PIK3C2A: variants seen among roughly 807,000 people sequenced by gnomAD.
The protein encoded by PIK3C2A is phosphatidylinositol 4-phosphate 3-kinase C2 domain-containing subunit alpha.
PIK3C2A carries 97 observed loss-of-function variants against 204.5 expected under a neutral mutation model. That is an observed-to-expected ratio of 0.47 (90% CI 0.40 to 0.56). PIK3C2A has a LOEUF of 0.56. Among genes scored for constraint, PIK3C2A ranks in the 20% least tolerant of loss-of-function variants. The pLI is 0.00. For synonymous variants in PIK3C2A, 653 were observed against 664.4 expected (o/e 0.98, Z 0.26); for missense variants, 1,735 against 1,969.2 (o/e 0.88, Z 2.25).
intron 1 of PIK3C2A, among the ~76,000 whole-genome samples, chr11:17,189,360 A>G (rs1181018771): frequency 1.4e-5 from 2 of 146,670 alleles, no homozygotes; most frequent in Non-Finnish European, 2.9e-5. Context: ...CACGCCTGTA[A>G]TCCCAGCACT....
At chr11:17,165,926 A>C (rs1305135308) in intron 2 of PIK3C2A, among the ~76,000 whole-genome samples, 2 of 152,170 alleles carry the variant, frequency 1.3e-5, no homozygotes, top group Non-Finnish European at 2.9e-5. Flanking sequence ...AATATACACA[A>C]AGTAAATAAT....
At chr11:17,116,022 A>G (rs919932018) in intron 19 of PIK3C2A, among the ~76,000 whole-genome samples, 4 of 152,204 alleles carry the variant, frequency 2.6e-5, no homozygotes, top group African/African-American at 9.6e-5. Context: ...CATGAGCCAC[A>G]AAAGAAAAAA....
At position 17,117,632 on chromosome 11, in the gene PIK3C2A, G is replaced by T. The variant is rs758242479; in HGVS notation, c.3075C>A (p.Thr1025=). The change falls in exon 19 of 33, where the codon ACC becomes ACA. Residue 1025 remains threonine (T), a synonymous_variant. Coordinates refer to ENST00000691414, the MANE Select transcript of PIK3C2A (RefSeq NM_002645.4). ...GAGCACCCAAAACATGTTCGTATCG[G>T]GTACTAAACTGTACATCATGCAGGG... ...KDALHDVQFS[T]RYEHVLGALL... 6.2e-7 allele frequency: 1 copy of T among 1,612,380 alleles called. No individual in the cohort carries two copies. Among genetic ancestry groups the T allele is most frequent in the East Asian group, 2.2e-5 (1 of 44,860 alleles).
Position 17,088,653 on chromosome 11 carries a change from C to T in PIK3C2A, c.*1085G>A, listed in dbSNP as rs1236532667. ...TTCATGTGAATGTAAAATGTTTACA[C>T]ACATAAGTAAGACAGTTTACAAGAC... On this transcript the variant is annotated 3_prime_UTR_variant, in exon 33 of 33. Transcript: ENST00000691414. 6.6e-6 allele frequency: 1 copy of T among 152,184 alleles called. No homozygotes were observed. The highest frequency in any genetic ancestry group is 1.5e-5 in the Non-Finnish European group (1 of 68,044). 9.4% of individuals were successfully genotyped at this position (152,184 alleles called of 1,614,324 possible).
chr11:17,133,983 G>A (rs1230155206), intron 11 of PIK3C2A, among the ~76,000 whole-genome samples: 2 of 151,810 alleles, frequency 1.3e-5, no homozygotes, highest in Non-Finnish European at 1.5e-5. Flanking sequence ...CTAATTAACT[G>A]ACATTTGCTC....
intron 3 of PIK3C2A, among the ~76,000 whole-genome samples, chr11:17,152,179 C>T (rs1357922077): frequency 1.3e-5 from 2 of 152,002 alleles, no homozygotes; most frequent in African/African-American, 2.4e-5. Context: ...GTCACTGAAC[C>T]GTACACTTAT....
rs1303837163 is a variant in PIK3C2A at position 17,129,381 on chromosome 11, C to G, written c.2318G>C (p.Gly773Ala). 3 of 1,612,198 alleles carry G rather than the reference C, an allele frequency of 1.9e-6. No individual in the cohort carries two copies. The highest frequency in any genetic ancestry group is 2.5e-6 in the Non-Finnish European group (3 of 1,178,424). ...CTGCTTATTAGAATCAGGGGAACTTCCACTGCTCTGATTTAAAATTCCAAA... is the reference window on the plus strand; with the variant it reads ...CTGCTTATTAGAATCAGGGGAACTTGCACTGCTCTGATTTAAAATTCCAAA... ...TLFGILNQSS[G>A]SSPDSNKQRK... Residue 773 changes from glycine (G) to alanine (A), a missense_variant, in exon 13 of 33, where the codon GGA becomes GCA. Around this residue, in one of 6 missense-constraint regions of PIK3C2A, gnomAD observed 567 missense variants for 576.0 expected, o/e 0.98. Transcript: ENST00000691414.
chr11:17,111,490 G>A (rs772063367), intron 21 of PIK3C2A, among the ~76,000 whole-genome samples: 20 of 151,892 alleles, frequency 1.3e-4, no homozygotes, highest in Non-Finnish European at 2.4e-4. Flanking sequence ...TCTTTAAACT[G>A]GATAAAATAA....
intron 11 of PIK3C2A, among the ~76,000 whole-genome samples, chr11:17,133,277 G>A (rs1160407952): frequency 6.6e-6 from 1 of 152,040 alleles, no homozygotes; most frequent in East Asian, 1.9e-4. Flanking sequence ...GTGTGTGTGT[G>A]TGTGTGCCTA....
At chr11:17,188,603 A>G (rs1373242372) in intron 1 of PIK3C2A, among the ~76,000 whole-genome samples, 1 of 146,806 alleles carries the variant, frequency 6.8e-6, no homozygotes, top group Non-Finnish European at 1.5e-5. Flanking sequence ...GAGTAGTCTA[A>G]TGTGCTGGAA....
chr11:17,138,550 TG>T (rs1849952824), intron 8 of PIK3C2A, among the ~76,000 whole-genome samples: 1 of 152,108 alleles, frequency 6.6e-6, no homozygotes, highest in Non-Finnish European at 1.5e-5. Context: ...GTCCTCAGAG[TG>T]TTTTACTGTC....
At chr11:17,138,642 T>C (rs866185026) in intron 8 of PIK3C2A, among the ~76,000 whole-genome samples, 1 of 152,316 alleles carries the variant, frequency 6.6e-6, no homozygotes, top group Middle Eastern at 3.4e-3. Flanking sequence ...TTGGCAAACT[T>C]TTCCTTTAAA....
Position 17,112,637 on chromosome 11 carries a change from G to T in PIK3C2A, c.3351C>A (p.Val1117=). The T allele has an allele frequency of 1.3e-6, 2 of 1,544,218 alleles. No individual in the cohort carries two copies. The highest frequency in any genetic ancestry group is 1.8e-6 in the Non-Finnish European group (2 of 1,139,038). ...CATTCACCATTGTGACTTTTAGGGG[G>T]ACAGCATTAGAACTGAAGAAGGAAC... ...KSCSFFSSNA[V]PLKVTMVNAD... The change falls in exon 21 of 33, where the codon GTC becomes GTA. Residue 1117 remains valine, a synonymous_variant. Coordinates refer to ENST00000691414, the MANE Select transcript of PIK3C2A (RefSeq NM_002645.4).
intron 4 of PIK3C2A, among the ~76,000 whole-genome samples, 156 bp downstream of exon 4, chr11:17,150,342 A>G (rs1314113600): frequency 6.6e-6 from 1 of 152,218 alleles, no homozygotes; most frequent in Admixed American, 6.5e-5. Context: ...TATAAAGGTA[A>G]CCTGATTCCC....
chr11:17,169,743 T>C lies in PIK3C2A; in HGVS notation c.-2A>G. On this transcript the variant is annotated 5_prime_UTR_variant, in exon 2 of 33. Transcript: ENST00000691414. ...GCTGTTGCTAGATATCTGAGCCATG[T>C]CCACTAAAAAGACCAAACCTTCCTT... 6.3e-7 allele frequency: 1 copy of C among 1,578,254 alleles called. No homozygotes were observed. Among genetic ancestry groups the C allele is most frequent in the Non-Finnish European group, 8.5e-7 (1 of 1,169,870 alleles).
chr11:17,089,474 A>G lies in PIK3C2A; in HGVS notation c.*264T>C. 1 of 342,428 alleles carries G rather than the reference A, an allele frequency of 2.9e-6. No individual in the cohort carries two copies. The highest frequency in any genetic ancestry group is 5.4e-6 in the Non-Finnish European group (1 of 186,780). The allele number at this position is 342,428 out of a possible 1,614,324, so 21.2% of individuals were successfully genotyped here. Reference sequence around the variant, plus strand: ...CAAAGTCTTTTTCAGGAATTAGTATATATTAAGTTTAGGGTTTGTAGCATT... The same window carrying G: ...CAAAGTCTTTTTCAGGAATTAGTATGTATTAAGTTTAGGGTTTGTAGCATT... On this transcript the variant is annotated 3_prime_UTR_variant, in exon 33 of 33. Transcript: ENST00000691414.
At chr11:17,139,752 T>G (rs944597129) in intron 8 of PIK3C2A, among the ~76,000 whole-genome samples, 2 of 152,232 alleles carry the variant, frequency 1.3e-5, no homozygotes, top group African/African-American at 2.4e-5. Context: ...ATTGAAACCT[T>G]AACCACAATA....
Position 17,101,295 on chromosome 11 carries a change from G to A in PIK3C2A, c.3991C>T (p.Leu1331Phe), listed in dbSNP as rs777264103. 1.3e-6 allele frequency: 2 copies of A among 1,548,456 alleles called. No individual in the cohort carries two copies. The highest frequency in any genetic ancestry group is 1.7e-5 in the Admixed American group (1 of 57,304). Reference protein sequence around the residue: ...NLIRKQTNLFLNLLSLMIPSG... With the variant: ...NLIRKQTNLFFNLLSLMIPSG... ...ATAGTTACCAGTGAAAGGAGGTTAA[G>A]AAAAAGGTTTGTCTGCTTTCTTATC... Residue 1331 changes from leucine (L) to phenylalanine (F), a missense_variant, in exon 25 of 33, where the codon CTT becomes TTT. Leu to Phe is a conservative substitution (Grantham distance 22). Around this residue, in one of 6 missense-constraint regions of PIK3C2A, gnomAD observed 503 missense variants for 669.0 expected, o/e 0.75. Transcript: ENST00000691414.
intron 1 of PIK3C2A, among the ~76,000 whole-genome samples, chr11:17,178,832 C>T (rs1851432336): frequency 6.6e-6 from 1 of 150,546 alleles, no homozygotes; most frequent in African/African-American, 2.4e-5. Context: ...CGGGTTCACG[C>T]CATTCTCCTG....
Sources: gnomAD v4.1 joint callset for allele counts (sites outside exome capture counted in the v4.1 genomes callset) on GRCh38, gnomAD v4.1.1 for gene constraint, gnomAD v4.1.1 regional missense constraint, MANE v1.5 for transcripts, NCBI Gene and HGNC (gene_info 2026-07-23, HGNC 2026-07-21) for gene names.